The following AKAP7 variants were observed in gnomAD, a reference collection of about 807,000 sequenced individuals.
AKAP7 encodes A-kinase anchoring protein 7, also known as A kinase (PRKA) anchor protein 7.
Under a neutral mutation model 39.5 loss-of-function variants are expected in AKAP7, and 39 were observed. The observed-to-expected ratio is 0.99, with a 90% CI of 0.76 to 1.29. AKAP7 has a LOEUF of 1.29. Among genes scored for constraint, AKAP7 ranks in the 50% most tolerant of loss-of-function variants. The pLI is 0.00. For missense variants in AKAP7, 414 were observed against 407.7 expected, an observed-to-expected ratio of 1.02 and a Z score of -0.13; for synonymous variants, 140 against 139.1, an observed-to-expected ratio of 1.01 and a Z score of -0.05.
intron 6 of AKAP7, among the ~76,000 whole-genome samples, chr6:131,205,846 C>T (rs975006759): frequency 6.6e-6 from 1 of 152,062 alleles, no homozygotes; most frequent in Non-Finnish European, 1.5e-5. Context: ...CAAATGAAAC[C>T]TCAGAAAATC....
chr6:131,251,172 T>C (rs1158688522), intron 7 of AKAP7, among the ~76,000 whole-genome samples: 1 of 152,204 alleles, frequency 6.6e-6, no homozygotes. Flanking sequence ...AGAAGCCCCA[T>C]TGAACCTGCC....
At chr6:131,180,892 A>C (rs1309447707) in intron 5 of AKAP7, among the ~76,000 whole-genome samples, 2 of 137,990 alleles carry the variant, frequency 1.4e-5, no homozygotes, top group Non-Finnish European at 3.2e-5. Flanking sequence ...TCATTAGCTT[A>C]TCTCTTTTTT....
chr6:131,156,839 A>G (rs1474191461), intron 2 of AKAP7, among the ~76,000 whole-genome samples: 3 of 151,186 alleles, frequency 2.0e-5, no homozygotes, highest in Non-Finnish European at 4.4e-5. Flanking sequence ...CAGTGGTGCA[A>G]TTTCGGCTCC....
At chr6:131,135,878 G>T in intron 1 of AKAP7, 96 bp downstream of exon 1, 7 of 1,189,256 alleles carry the variant, frequency 5.9e-6, no homozygotes, top group Non-Finnish European at 7.3e-6. Flanking sequence ...GGCCTGACCC[G>T]CGCCGGCCCT....
chr6:131,167,277 C>T (rs1415479618), intron 4 of AKAP7, among the ~76,000 whole-genome samples: 1 of 152,146 alleles, frequency 6.6e-6, no homozygotes, highest in Non-Finnish European at 1.5e-5. Flanking sequence ...CTCTGTGAAT[C>T]AGTGGCATCT....
intron 7 of AKAP7, among the ~76,000 whole-genome samples, chr6:131,235,926 A>G (rs1265463405): frequency 2.0e-5 from 3 of 152,122 alleles, no homozygotes; most frequent in Non-Finnish European, 4.4e-5. Flanking sequence ...CCATTTGTCA[A>G]TTTTGGCTTT....
chr6:131,194,800 CTCT>C (rs1287691989), intron 5 of AKAP7, among the ~76,000 whole-genome samples: 1 of 152,032 alleles, frequency 6.6e-6, no homozygotes, highest in African/African-American at 2.4e-5. Context: ...CCTTCTTTGC[CTCT>C]TCTTACAGTT....
chr6:131,193,300 A>G (rs1350521212), intron 5 of AKAP7, among the ~76,000 whole-genome samples: 3 of 152,234 alleles, frequency 2.0e-5, no homozygotes, highest in East Asian at 3.9e-4. Flanking sequence ...GTTGAATGTT[A>G]TCAGATGCTT....
chr6:131,135,811 G>C, intron 1 of AKAP7, 29 bp downstream of exon 1: 1 of 1,227,396 alleles, frequency 8.1e-7, no homozygotes, highest in Non-Finnish European at 1.0e-6. Context: ...GCGGGCCGGG[G>C]CGGGGGCGAC....
At chr6:131,260,636 T>C (rs1211389157) in intron 7 of AKAP7, among the ~76,000 whole-genome samples, 2 of 152,222 alleles carry the variant, frequency 1.3e-5, no homozygotes, top group African/African-American at 4.8e-5. Flanking sequence ...TTTTGCCCAC[T>C]TTTTAATGGG....
intron 7 of AKAP7, among the ~76,000 whole-genome samples, chr6:131,277,329 G>A (rs1204433907): frequency 2.0e-5 from 3 of 152,194 alleles, no homozygotes; most frequent in Admixed American, 6.5e-5. Flanking sequence ...CAAAGACAAA[G>A]GCTAATCTGT....
At chr6:131,159,690 A>G (rs765259603) in intron 2 of AKAP7, among the ~76,000 whole-genome samples, 1 of 152,222 alleles carries the variant, frequency 6.6e-6, no homozygotes, top group Non-Finnish European at 1.5e-5. Flanking sequence ...TGAAGAAATG[A>G]TCTTTCTTAG....
chr6:131,194,987 C>A (rs1192765135), intron 5 of AKAP7, among the ~76,000 whole-genome samples: 1 of 152,002 alleles, frequency 6.6e-6, no homozygotes, highest in Non-Finnish European at 1.5e-5. Flanking sequence ...CTTTTTAAAT[C>A]CATTGAGCCA....
chr6:131,168,424 AAG>A (rs1183307388), intron 4 of AKAP7, among the ~76,000 whole-genome samples: 6 of 150,624 alleles, frequency 4.0e-5, no homozygotes, highest in Non-Finnish European at 8.8e-5. Flanking sequence ...AGAAGAGAGA[AAG>A]AGACAGAAGG....
At chr6:131,276,741 A>G (rs1208706224) in intron 7 of AKAP7, among the ~76,000 whole-genome samples, 2 of 152,166 alleles carry the variant, frequency 1.3e-5, no homozygotes, top group Non-Finnish European at 2.9e-5. Flanking sequence ...TTATTTTAAC[A>G]TGGTTGCACT....
intron 6 of AKAP7, chr6:131,200,942 C>CT (rs1319073124): frequency 6.6e-6 from 1 of 152,042 alleles, no homozygotes; most frequent in Non-Finnish European, 1.5e-5. Context: ...GTTTCTTTGT[C>CT]TTTATAATAT....
At chr6:131,141,009 G>A (rs2128224540) in intron 1 of AKAP7, among the ~76,000 whole-genome samples, 1 of 152,284 alleles carries the variant, frequency 6.6e-6, no homozygotes, top group Non-Finnish European at 1.5e-5. Flanking sequence ...CCTAAAATTT[G>A]AACTGTAATA....
At chr6:131,128,822 C>CAA in the AKAP7 span, among the ~76,000 whole-genome samples, 4,563 of 124,936 alleles carry the variant, frequency 0.037, 93 homozygotes, top group South Asian at 0.072. Flanking sequence ...AACTCCATCT[C>CAA]AAAAAAAAAA....
chr6:131,145,173 A>T, intron 1 of AKAP7, 112 bp from the exon 2 acceptor site: 1 of 710,648 alleles, frequency 1.4e-6, no homozygotes, highest in South Asian at 4.6e-5. Flanking sequence ...TACATTTCTT[A>T]ACAGATGTTA....
Sources: allele counts gnomAD v4.1 joint callset (sites outside exome capture counted in the v4.1 genomes callset), GRCh38; gene constraint gnomAD v4.1.1; transcripts MANE v1.5; gene names NCBI Gene and HGNC (gene_info 2026-07-23, HGNC 2026-07-21).